Variants in KIAA1549L observed in about 807,000 individuals in gnomAD.
KIAA1549L encodes the protein UPF0606 protein KIAA1549L.
A neutral mutation model predicts 160.7 loss-of-function variants in KIAA1549L; 88 were observed. The observed-to-expected ratio is 0.55, with a 90% confidence interval of 0.46 to 0.65. KIAA1549L has a LOEUF of 0.65. Among genes scored for constraint, KIAA1549L ranks in the 30% least tolerant of loss-of-function variants. The pLI is 0.00. For missense variants in KIAA1549L, 2,258 were observed against 2,437.5 expected (o/e 0.93, Z 1.55); for synonymous variants, 950 against 976.7 (o/e 0.97, Z 0.51).
chr11:33,538,586 T>A (rs1853945329), intron 1 of KIAA1549L, among the ~76,000 whole-genome samples: 2 of 152,132 alleles, frequency 1.3e-5, no homozygotes, highest in South Asian at 2.1e-4. Context: ...AACTAATTTT[T>A]AAAAATTCAA....
chr11:33,444,974 G>T (rs1211028196), intron 1 of KIAA1549L, among the ~76,000 whole-genome samples: 1 of 152,190 alleles, frequency 6.6e-6, no homozygotes, highest in Non-Finnish European at 1.5e-5. Context: ...ACCTGGCACA[G>T]AGCAGGTCTA....
intron 16 of KIAA1549L, 76 bp from the exon 17 acceptor site, chr11:33,645,610 T>C: frequency 1.9e-6 from 2 of 1,052,686 alleles, no homozygotes; most frequent in East Asian, 2.4e-5. Context: ...TCCAAGTGAA[T>C]GTTTTAGAGT....
chr11:33,397,190 C>T (rs565826385), intron 1 of KIAA1549L, among the ~76,000 whole-genome samples: 5 of 141,912 alleles, frequency 3.5e-5, no homozygotes, highest in African/African-American at 5.2e-5. Context: ...AAAAATTAGC[C>T]GGACGTGGTG....
rs1852533358 is a variant in KIAA1549L, at chr11:33,667,959, G to A, written c.6246G>A (p.Gln2082=). 6.2e-7 allele frequency: 1 copy of A among 1,613,788 alleles called. No homozygotes were observed. ...CCAGGCTTCCTCGTCAGTACAGCCA[G>A]CCAGCCAACCTGCACCCCAGCCTGG... The part of the protein sequence containing the change: ...SPSRLPRQYS[Q]PANLHPSLEQ... Residue 2082 remains glutamine (Q), a synonymous_variant, in exon 21 of 21, where the codon CAG becomes CAA. Transcript: ENST00000658780.
intron 1 of KIAA1549L, among the ~76,000 whole-genome samples, chr11:33,528,404 A>G (rs565263132): frequency 1.6e-4 from 25 of 152,382 alleles, no homozygotes; most frequent in African/African-American, 6.0e-4. Context: ...CAACCACTAT[A>G]GAAAACAGTA....
At chr11:33,433,080 A>G (rs1472961028) in intron 1 of KIAA1549L, among the ~76,000 whole-genome samples, 2 of 152,252 alleles carry the variant, frequency 1.3e-5, no homozygotes, top group African/African-American at 4.8e-5. Context: ...CAAAATTGAC[A>G]AATGGGATCT....
chr11:33,542,750 G>A lies in KIAA1549L; in HGVS notation c.1187G>A (p.Arg396Lys). The stretch of plus-strand genomic sequence containing the variant: ...CAGATCAAAGCTGGGGTGCCTGGAA[G>A]AGTGCACAATGGGGTGTCTTTGCCA... ...TQQIKAGVPGRVHNGVSLPTF... is the reference protein window; with the variant it reads ...TQQIKAGVPGKVHNGVSLPTF... The change falls in exon 2 of 21, where the codon AGA (arginine) becomes AAA (lysine). Residue 396 changes from arginine (R) to lysine (K), a missense_variant. By Grantham distance (26) the Arg-to-Lys change is conservative. This residue lies in a region of KIAA1549L where 540 missense variants were observed against 465.7 expected (regional missense o/e 1.16). Coordinates refer to ENST00000658780, the MANE Select transcript of KIAA1549L (RefSeq NM_012194.3). The A allele has an allele frequency of 6.2e-7, 1 of 1,613,994 alleles. No homozygotes were observed. Among genetic ancestry groups the A allele is most frequent in the Non-Finnish European group, 8.5e-7 (1 of 1,179,872 alleles).
chr11:33,422,499 T>C (rs1410905570), intron 1 of KIAA1549L, among the ~76,000 whole-genome samples: 2 of 142,348 alleles, frequency 1.4e-5, no homozygotes, highest in African/African-American at 5.2e-5. Flanking sequence ...CTGAATGGAC[T>C]CCCTCCCTTC....
chr11:33,406,132 T>A (rs1466467308), intron 1 of KIAA1549L, among the ~76,000 whole-genome samples: 1 of 152,222 alleles, frequency 6.6e-6, no homozygotes, highest in African/African-American at 2.4e-5. Flanking sequence ...TTTTTTACTC[T>A]AGTAACACAA....
intron 1 of KIAA1549L, among the ~76,000 whole-genome samples, chr11:33,431,080 G>T (rs373274054): frequency 6.5e-4 from 99 of 152,258 alleles, no homozygotes; most frequent in African/African-American, 2.3e-3. Flanking sequence ...TGCGGTGAGT[G>T]CTACAGCTCT....
At chr11:33,461,190 G>A (rs1851934855) in intron 1 of KIAA1549L, among the ~76,000 whole-genome samples, 1 of 142,294 alleles carries the variant, frequency 7.0e-6, no homozygotes, top group Non-Finnish European at 1.6e-5. Flanking sequence ...TATTTTTATA[G>A]ACCACCCTTT....
intron 1 of KIAA1549L, among the ~76,000 whole-genome samples, chr11:33,429,202 C>T (rs1851182427): frequency 6.6e-6 from 1 of 152,184 alleles, no homozygotes; most frequent in Non-Finnish European, 1.5e-5. Flanking sequence ...AAACTCCTGA[C>T]CTCAAGTGAT....
At chr11:33,405,984 T>C (rs1342672781) in intron 1 of KIAA1549L, among the ~76,000 whole-genome samples, 1 of 152,146 alleles carries the variant, frequency 6.6e-6, no homozygotes, top group African/African-American at 2.4e-5. Flanking sequence ...GGAAGGTTAA[T>C]GGGTTCTCCA....
In KIAA1549L at chr11:33,591,241, T is replaced by C; in HGVS notation, c.4571T>C (p.Val1524Ala). 1 of 1,610,578 alleles carries C rather than the reference T, an allele frequency of 6.2e-7. No individual in the cohort carries two copies. Reference sequence around the variant, plus strand: ...AAATCTGTTTCCTCTTTGCAGCCTGTGCAAGGCTTTGATTATGCCAAGCAA... The same window carrying C: ...AAATCTGTTTCCTCTTTGCAGCCTGCGCAAGGCTTTGATTATGCCAAGCAA... ...MINLPQRAKP[V>A]QGFDYAKQHL... The change falls in exon 12 of 21, where the codon GTG becomes GCG. Residue 1524 changes from valine (V) to alanine (A), a missense_variant. Val to Ala is a moderately conservative substitution (Grantham distance 64). Around this residue, in one of 6 missense-constraint regions of KIAA1549L, gnomAD observed 1,359 missense variants for 1,546.6 expected, o/e 0.88. Coordinates refer to ENST00000658780, the MANE Select transcript of KIAA1549L (RefSeq NM_012194.3).
At chr11:33,651,876 C>CA (rs1246932665) in intron 17 of KIAA1549L, among the ~76,000 whole-genome samples, 2 of 87,366 alleles carry the variant, frequency 2.3e-5, no homozygotes, top group African/African-American at 8.7e-5. Context: ...CCCCTCCCCC[C>CA]CTTTCTCCTC....
At chr11:33,429,904 C>T (rs1851195226) in intron 1 of KIAA1549L, among the ~76,000 whole-genome samples, 1 of 152,180 alleles carries the variant, frequency 6.6e-6, no homozygotes, top group Non-Finnish European at 1.5e-5. Context: ...TGGTCTCCCT[C>T]TTCCTGCTTC....
intron 1 of KIAA1549L, among the ~76,000 whole-genome samples, chr11:33,426,105 G>A (rs1241437854): frequency 2.0e-5 from 3 of 152,176 alleles, no homozygotes; most frequent in African/African-American, 7.2e-5. Context: ...TAGAGACAAA[G>A]TTAGCAACAT....
At chr11:33,429,067 G>T (rs1366768908) in intron 1 of KIAA1549L, among the ~76,000 whole-genome samples, 2 of 152,162 alleles carry the variant, frequency 1.3e-5, no homozygotes, top group Non-Finnish European at 2.9e-5. Flanking sequence ...CGCCTCCCAG[G>T]TTCAAGCGAT....
intron 1 of KIAA1549L, among the ~76,000 whole-genome samples, chr11:33,431,982 C>T (rs1851256170): frequency 6.6e-6 from 1 of 152,258 alleles, no homozygotes; most frequent in Admixed American, 6.5e-5. Flanking sequence ...TAGCCACTGG[C>T]CCGGGTGCTA....
Sources: gnomAD v4.1 joint callset for allele counts (sites outside exome capture counted in the v4.1 genomes callset) on GRCh38, gnomAD v4.1.1 for gene constraint, gnomAD v4.1.1 regional missense constraint, MANE v1.5 for transcripts, NCBI Gene and HGNC (gene_info 2026-07-23, HGNC 2026-07-21) for gene names.